Variants in SERPINE2 observed in about 807,000 individuals in gnomAD.
SERPINE2 encodes glia-derived nexin.
A neutral mutation model predicts 36.3 loss-of-function variants in SERPINE2; 14 were observed. That is an observed-to-expected ratio of 0.39 (90% CI 0.25 to 0.60). The LOEUF (loss-of-function observed/expected upper bound fraction) is 0.60, where lower values mean the gene tolerates loss of function less well. Ranked by LOEUF, SERPINE2 falls within the 20% of genes least tolerant of loss-of-function variation. The pLI, the probability that SERPINE2 is intolerant of heterozygous loss-of-function variation, is 0.57. For synonymous variants in SERPINE2, 192 were observed against 191.8 expected (o/e 1.00, Z -0.01); for missense variants, 418 against 499.6 (o/e 0.84, Z 1.56).
At chr2:223,976,032 A>C (rs888405082) in intron 8 of SERPINE2, 128 bp from the exon 9 acceptor site, 1 of 696,796 alleles carries the variant, frequency 1.4e-6, no homozygotes, top group Non-Finnish European at 2.2e-6. Flanking sequence ...TGTCCAGTAT[A>C]ACTTTCTGCA....
chr2:224,003,389 C>G (rs1025877109), intron 1 of SERPINE2, among the ~76,000 whole-genome samples: 2 of 152,136 alleles, frequency 1.3e-5, no homozygotes, highest in East Asian at 3.8e-4. Context: ...GTGAATCCCT[C>G]GGGTTGCTCT....
chr2:224,003,546 A>C (rs531879619), intron 1 of SERPINE2, among the ~76,000 whole-genome samples: 1 of 152,346 alleles, frequency 6.6e-6, no homozygotes, highest in South Asian at 2.1e-4. Flanking sequence ...AATTTTGAGG[A>C]TGGTGTTGCT....
At chr2:224,023,331 C>T (rs557241832) in intron 1 of SERPINE2, among the ~76,000 whole-genome samples, 20 of 152,330 alleles carry the variant, frequency 1.3e-4, no homozygotes, top group African/African-American at 4.3e-4. Context: ...GGGGATCTCC[C>T]TCAGTGATGC....
At chr2:224,021,925 C>T (rs1484270706) in intron 1 of SERPINE2, among the ~76,000 whole-genome samples, 10 of 151,890 alleles carry the variant, frequency 6.6e-5, no homozygotes, top group South Asian at 4.2e-4. Context: ...TTTGGGAGGC[C>T]GAGGCGGGCA....
At chr2:224,003,479 T>C (rs1235522295) in intron 1 of SERPINE2, among the ~76,000 whole-genome samples, 1 of 152,228 alleles carries the variant, frequency 6.6e-6, no homozygotes, top group Non-Finnish European at 1.5e-5. Flanking sequence ...TTAATTAAAA[T>C]AAACTTAAGT....
intron 6 of SERPINE2, 23 bp from the exon 7 acceptor site, chr2:223,980,420 T>C (rs748709158): frequency 6.2e-7 from 1 of 1,603,294 alleles, no homozygotes; most frequent in Admixed American, 1.7e-5. Context: ...AATAAAACAG[T>C]ATCAGCATTT....
chr2:223,985,838 A>C (rs1690407331), intron 4 of SERPINE2, among the ~76,000 whole-genome samples: 1 of 152,156 alleles, frequency 6.6e-6, no homozygotes, highest in African/African-American at 2.4e-5. Context: ...AGTTTTAGAT[A>C]CTTTATGGTA....
chr2:223,982,804 GA>G (rs759928324), intron 5 of SERPINE2, 23 bp from the exon 6 acceptor site: 5 of 1,559,008 alleles, frequency 3.2e-6, no homozygotes, highest in South Asian at 1.2e-5. Flanking sequence ...CAGAAATGGA[GA>G]AAAAAAATCA....
At position 224,007,735 on chromosome 2, in the gene SERPINE2, G is replaced by A. The variant is rs575167203; in HGVS notation, c.-22-5813C>T. ...CCTTTGTTTTTTTGGTTGTTTGTTT[G>A]TTTCATCTTCCACTAGTTGCTTCAT... On this transcript the variant is annotated intron_variant, in intron 1 of 8. Transcript: ENST00000409304. Among the ~76,000 whole-genome samples, 7 of 152,126 alleles carry A rather than the reference G, an allele frequency of 4.6e-5. No homozygotes were observed. The South Asian group carries it at 1.5e-3, about 32-fold the overall frequency.
intron 1 of SERPINE2, among the ~76,000 whole-genome samples, chr2:224,034,246 C>T (rs931840294): frequency 2.6e-5 from 4 of 152,060 alleles, no homozygotes; most frequent in African/African-American, 9.7e-5. Flanking sequence ...CGTGTGTGTA[C>T]ACTGCACATG....
intron 1 of SERPINE2, among the ~76,000 whole-genome samples, chr2:224,009,648 T>C (rs771348131): frequency 6.6e-6 from 1 of 152,066 alleles, no homozygotes; most frequent in Non-Finnish European, 1.5e-5. Flanking sequence ...TGAGCCGAGA[T>C]TGTGCTACTG....
intron 5 of SERPINE2, among the ~76,000 whole-genome samples, chr2:223,983,419 AATTTTTTAT>A: frequency 6.6e-6 from 1 of 152,050 alleles, no homozygotes; most frequent in African/African-American, 2.4e-5. Context: ...ATGCCTGGCT[AATTTTTTAT>A]ATTTTTAGTA....
intron 1 of SERPINE2, chr2:224,038,389 G>T: frequency 1.1e-6 from 1 of 931,164 alleles, no homozygotes; most frequent in Non-Finnish European, 1.7e-6. Flanking sequence ...AAGGTGGAGT[G>T]CTGTCTTATG....
At chr2:223,991,088 G>T (rs903671896) in intron 4 of SERPINE2, among the ~76,000 whole-genome samples, 1 of 152,106 alleles carries the variant, frequency 6.6e-6, no homozygotes, top group Non-Finnish European at 1.5e-5. Context: ...ATAAAGAAAA[G>T]AATTTTACAT....
At chr2:223,984,185 T>C (rs768305822) in intron 5 of SERPINE2, among the ~76,000 whole-genome samples, 1 of 152,140 alleles carries the variant, frequency 6.6e-6, no homozygotes, top group African/African-American at 2.4e-5. Flanking sequence ...GGACAAAGCA[T>C]TCTCTGACCT....
intron 3 of SERPINE2, among the ~76,000 whole-genome samples, chr2:223,996,444 G>A (rs11695803): frequency 0.12 from 18,558 of 152,088 alleles, 1,316 homozygotes; most frequent in African/African-American, 0.18. Flanking sequence ...GAGAAGGGAC[G>A]CCACGAATTT....
chr2:224,027,828 C>T (rs1299570747), intron 1 of SERPINE2, among the ~76,000 whole-genome samples: 3 of 152,190 alleles, frequency 2.0e-5, no homozygotes, highest in Non-Finnish European at 4.4e-5. Context: ...GCACCTCTTA[C>T]AGAGTAAGTG....
At chr2:224,018,920 C>A (rs1332719230) in intron 1 of SERPINE2, among the ~76,000 whole-genome samples, 1 of 152,220 alleles carries the variant, frequency 6.6e-6, no homozygotes, top group Non-Finnish European at 1.5e-5. Flanking sequence ...GTCTCCTAGA[C>A]CCATCTCTCT....
intron 1 of SERPINE2, among the ~76,000 whole-genome samples, chr2:224,038,300 C>G (rs1297721991): frequency 6.6e-6 from 1 of 152,094 alleles, no homozygotes; most frequent in Non-Finnish European, 1.5e-5. Flanking sequence ...TTCGAGATTT[C>G]TCCAGAGACA....
Sources: gnomAD v4.1 joint callset for allele counts (sites outside exome capture counted in the v4.1 genomes callset) on GRCh38, gnomAD v4.1.1 for gene constraint, MANE v1.5 for transcripts, NCBI Gene and HGNC (gene_info 2026-07-23, HGNC 2026-07-21) for gene names.